The following GLIS3 variants were observed in gnomAD, a reference collection of about 807,000 sequenced individuals.
GLIS3 encodes the protein GLIS family zinc finger 3.
A neutral mutation model predicts 78.6 loss-of-function variants in GLIS3; 53 were observed. The ratio of observed to expected loss-of-function variants is 0.67; its 90% CI spans 0.54 to 0.85. The LOEUF (loss-of-function observed/expected upper bound fraction) is 0.85. Among genes scored for constraint, GLIS3 ranks in the 40% least tolerant of loss-of-function variants. GLIS3 has a pLI of 0.00. For synonymous variants in GLIS3, 684 were observed against 509.9 expected, an observed-to-expected ratio of 1.34 and a Z score of -4.60; for missense variants, 1,703 against 1,231.1, an observed-to-expected ratio of 1.38 and a Z score of -5.74.
the GLIS3 span, among the ~76,000 whole-genome samples, chr9:4,423,505 G>C: frequency 1.6e-4 from 24 of 151,962 alleles, no homozygotes; most frequent in African/African-American, 5.6e-4. Flanking sequence ...TGACACCAAA[G>C]CTCCTATCTG....
the GLIS3 span, among the ~76,000 whole-genome samples, chr9:4,377,206 C>A: frequency 1.5e-5 from 2 of 134,928 alleles, no homozygotes; most frequent in African/African-American, 5.2e-5. Flanking sequence ...TAGAGGAAGA[C>A]CCATCCTCGA....
the GLIS3 span, among the ~76,000 whole-genome samples, chr9:4,369,815 T>C: frequency 6.6e-6 from 1 of 152,132 alleles, no homozygotes; most frequent in Non-Finnish European, 1.5e-5. Context: ...TAAAATCCTA[T>C]GTTCATGGCC....
At chr9:3,883,111 T>C (rs1445920738) in intron 7 of GLIS3, among the ~76,000 whole-genome samples, 1 of 152,222 alleles carries the variant, frequency 6.6e-6, no homozygotes, top group African/African-American at 2.4e-5. Context: ...GACAACACTC[T>C]GGAGTCAGAG....
intron 2 of GLIS3, among the ~76,000 whole-genome samples, chr9:4,158,107 G>T (rs980638415): frequency 2.1e-4 from 32 of 152,142 alleles, no homozygotes; most frequent in African/African-American, 7.5e-4. Flanking sequence ...TTTTCTTACA[G>T]TAGAGGGGAA....
intron 9 of GLIS3, among the ~76,000 whole-genome samples, chr9:3,840,919 A>C (rs76984694): frequency 0.022 from 3,379 of 152,258 alleles, 132 homozygotes; most frequent in African/African-American, 0.077. Context: ...TGTGAACCAC[A>C]TTTTGGCCCT....
At chr9:4,486,276 G>C in the GLIS3 span, among the ~76,000 whole-genome samples, 3 of 152,084 alleles carry the variant, frequency 2.0e-5, no homozygotes, top group Non-Finnish European at 4.4e-5. Flanking sequence ...ACAAAGAAGT[G>C]GAAGTTCCTT....
At chr9:4,278,351 C>G (rs983454960) in intron 2 of GLIS3, among the ~76,000 whole-genome samples, 1 of 152,136 alleles carries the variant, frequency 6.6e-6, no homozygotes, top group Non-Finnish European at 1.5e-5. Flanking sequence ...ATGCATGATT[C>G]CAGGTATGGG....
intron 2 of GLIS3, among the ~76,000 whole-genome samples, chr9:4,159,545 C>A (rs567430393): frequency 1.3e-5 from 2 of 152,106 alleles, no homozygotes; most frequent in East Asian, 1.9e-4. Flanking sequence ...ACGGTGAAAC[C>A]CCGTCTCTAC....
intron 2 of GLIS3, among the ~76,000 whole-genome samples, chr9:4,236,147 C>G (rs1347169768): frequency 7.5e-6 from 1 of 133,646 alleles, no homozygotes. Flanking sequence ...GAGTAGTGCT[C>G]CCTGGCCACA....
the GLIS3 span, chr9:4,386,276 A>G: frequency 6.6e-6 from 1 of 152,186 alleles, no homozygotes; most frequent in Non-Finnish European, 1.5e-5. Flanking sequence ...GTGTCTATAC[A>G]TGTGTATTAT....
intron 2 of GLIS3, among the ~76,000 whole-genome samples, chr9:4,255,955 C>T (rs376574070): frequency 4.6e-5 from 7 of 152,190 alleles, no homozygotes; most frequent in South Asian, 4.1e-4. Flanking sequence ...TGTATATATG[C>T]GTGCAGGGAG....
At chr9:4,042,173 TGAAG>T (rs1411133533) in intron 4 of GLIS3, among the ~76,000 whole-genome samples, 4 of 152,118 alleles carry the variant, frequency 2.6e-5, no homozygotes, top group East Asian at 3.9e-4. Flanking sequence ...AGGAGCTTCC[TGAAG>T]GAAGGAAGGA....
intron 4 of GLIS3, among the ~76,000 whole-genome samples, chr9:4,008,760 T>A (rs1051618041): frequency 3.3e-5 from 5 of 152,202 alleles, no homozygotes; most frequent in African/African-American, 1.2e-4. Flanking sequence ...ATGCCACCAA[T>A]TGAACTCTAA....
chr9:4,049,505 C>A (rs968808236), intron 4 of GLIS3, among the ~76,000 whole-genome samples: 4 of 152,138 alleles, frequency 2.6e-5, no homozygotes, highest in Non-Finnish European at 5.9e-5. Flanking sequence ...CCACAGATGC[C>A]GGCAGGAGTG....
chr9:4,315,111 C>T (rs1817418226), intron 2 of GLIS3, among the ~76,000 whole-genome samples: 1 of 152,358 alleles, frequency 6.6e-6, no homozygotes, highest in South Asian at 2.1e-4. Flanking sequence ...GGAGATACAA[C>T]TCCCACCAAA....
chr9:4,254,785 A>T (rs1251687484), intron 2 of GLIS3, among the ~76,000 whole-genome samples: 1 of 151,560 alleles, frequency 6.6e-6, no homozygotes, highest in Non-Finnish European at 1.5e-5. Context: ...GGTTGTAGTG[A>T]GCCAAGACCG....
intron 2 of GLIS3, among the ~76,000 whole-genome samples, chr9:4,195,810 G>A (rs1818782283): frequency 6.6e-6 from 1 of 152,256 alleles, no homozygotes; most frequent in Non-Finnish European, 1.5e-5. Flanking sequence ...CAGGCACTCT[G>A]TGTCTAACTC....
At chr9:4,122,365 T>G (rs774334651) in intron 3 of GLIS3, among the ~76,000 whole-genome samples, 1 of 152,166 alleles carries the variant, frequency 6.6e-6, no homozygotes, top group African/African-American at 2.4e-5. Context: ...CTAAAAGAAT[T>G]AGTACTGTAT....
At chr9:3,960,144 G>C (rs1011637342) in intron 4 of GLIS3, among the ~76,000 whole-genome samples, 2 of 152,138 alleles carry the variant, frequency 1.3e-5, no homozygotes, top group African/African-American at 2.4e-5. Context: ...CTAAAACAAA[G>C]AAAGAGGAAA....
Sources: gnomAD v4.1 joint callset for allele counts (sites outside exome capture counted in the v4.1 genomes callset) on GRCh38, gnomAD v4.1.1 for gene constraint, MANE v1.5 for transcripts, NCBI Gene and HGNC (gene_info 2026-07-23, HGNC 2026-07-21) for gene names.